Variants in STK35 observed in about 807,000 individuals in gnomAD.
STK35 encodes serine/threonine-protein kinase 35.
A neutral mutation model predicts 37.3 loss-of-function variants in STK35; 17 were observed. The observed-to-expected ratio is 0.46, with a 90% CI of 0.31 to 0.68. The LOEUF is 0.68. STK35 is among the 30% of genes least tolerant of loss of function. The probability of loss-of-function intolerance (pLI) is 0.05; values close to 1 mark genes in which losing one functional copy is unlikely to be tolerated. For missense variants in STK35, 595 were observed against 746.7 expected (o/e 0.80, Z 2.37); for synonymous variants, 385 against 319.1 (o/e 1.21, Z -2.20).
In STK35 at chr20:2,144,117, G is replaced by T. The variant is rs1032654359; in HGVS notation, c.*371G>T. The T allele has an allele frequency of 9.5e-6, 3 of 317,144 alleles. No homozygotes were observed. The highest frequency in any genetic ancestry group is 6.9e-5 in the African/African-American group (3 of 43,390). 19.6% of individuals were successfully genotyped at this position (317,144 alleles called of 1,614,324 possible). A position where few individuals can be genotyped will look rare whatever the true frequency, so the allele number is the denominator to read the frequency against. ...CTTTTACTTTTTATAAGGGGTTAGG[G>T]AGCTATTTTTGGTTTTGTCCTTCAC... On this transcript the variant is annotated 3_prime_UTR_variant, in exon 4 of 4. Coordinates refer to ENST00000381482, the MANE Select transcript of STK35 (RefSeq NM_080836.4).
intron 2 of STK35, 133 bp from the exon 3 acceptor site, chr20:2,116,533 G>A (rs1985720206): frequency 1.0e-6 from 1 of 976,982 alleles, no homozygotes. Flanking sequence ...GGCACTCAGT[G>A]CCAGTTGTGC....
intron 3 of STK35, among the ~76,000 whole-genome samples, chr20:2,125,888 G>A (rs1985897000): frequency 6.6e-6 from 1 of 152,204 alleles, no homozygotes; most frequent in African/African-American, 2.4e-5. Context: ...CGGCAGCTGG[G>A]AAAGCACCCA....
In STK35 at chr20:2,109,518, G is replaced by A. The variant is rs768653526; in HGVS notation, c.892+6153G>A. ...ATAACTTGTTCTTACAGACAAGAAC[G>A]TCAGTGTCCATCAAGGTCAAGTTGC... On this transcript the variant is annotated intron_variant, in intron 2 of 3. Coordinates refer to ENST00000381482, the MANE Select transcript of STK35 (RefSeq NM_080836.4). Among the ~76,000 whole-genome samples the A allele has an allele frequency of 3.9e-5, 6 of 152,172 alleles. No homozygotes were observed. In the East Asian group the frequency reaches 5.8e-4, roughly 15 times the overall value.
rs554599809 is a variant in STK35 at position 2,143,970 on chromosome 20, T to C, written c.*224T>C. On this transcript the variant is annotated 3_prime_UTR_variant, in exon 4 of 4. Coordinates refer to ENST00000381482, the MANE Select transcript of STK35 (RefSeq NM_080836.4). ...TTCCTTTTCTTTTCTTTTTTTTTTTTCCTCTTTCCTTTTTTTAAATTTAAA... is the reference window on the plus strand; with the variant it reads ...TTCCTTTTCTTTTCTTTTTTTTTTTCCCTCTTTCCTTTTTTTAAATTTAAA... 111 of 396,334 alleles carry C rather than the reference T, an allele frequency of 2.8e-4. 1 individual carries two copies. Among genetic ancestry groups the C allele is most frequent in the African/African-American group, 2.2e-3 (101 of 45,516 alleles). 24.6% of individuals were successfully genotyped at this position (396,334 alleles called of 1,614,324 possible).
intron 2 of STK35, among the ~76,000 whole-genome samples, chr20:2,111,559 G>T (rs910134255): frequency 2.0e-5 from 3 of 152,134 alleles, no homozygotes; most frequent in Non-Finnish European, 2.9e-5. Flanking sequence ...ATAGCCGGGC[G>T]TGGTGGTGCA....
rs1374415440 is a variant in STK35 at position 2,111,910 on chromosome 20, A to G, written c.893-4756A>G. ...GAGACGCAGCTGCAGGGCCTCTCGC[A>G]GTTATTCTCAGCCTGCCTTCCTCTC... On this transcript the variant is annotated intron_variant, in intron 2 of 3. Coordinates refer to ENST00000381482, the MANE Select transcript of STK35 (RefSeq NM_080836.4). Among the ~76,000 whole-genome samples, 3 of 152,084 alleles carry G rather than the reference A, an allele frequency of 2.0e-5. No individual in the cohort carries two copies. The South Asian group carries it at 6.2e-4, about 32-fold the overall frequency.
At chr20:2,104,658 T>A (rs1985479870) in intron 2 of STK35, among the ~76,000 whole-genome samples, 1 of 152,112 alleles carries the variant, frequency 6.6e-6, no homozygotes, top group Admixed American at 6.5e-5. Flanking sequence ...CTTGTTACTT[T>A]TGCACAACTT....
Position 2,144,262 on chromosome 20 carries a change from G to T in STK35, c.*516G>T. Reference sequence around the variant, plus strand: ...GGTTTCTTCTGGAACGGGGCGTGAGGACACAAGGAGGCCTCTGGGCCACGC... The same window carrying T: ...GGTTTCTTCTGGAACGGGGCGTGAGTACACAAGGAGGCCTCTGGGCCACGC... On this transcript the variant is annotated 3_prime_UTR_variant, in exon 4 of 4. Transcript: ENST00000381482. 4.3e-6 allele frequency: 1 copy of T among 231,308 alleles called. No homozygotes were observed. Among genetic ancestry groups the T allele is most frequent in the Non-Finnish European group, 8.5e-6 (1 of 117,896 alleles). The allele number at this position is 231,308 out of a possible 1,614,324, so 14.3% of individuals were successfully genotyped here.
intron 2 of STK35, among the ~76,000 whole-genome samples, chr20:2,111,181 A>G (rs372141266): frequency 1.3e-5 from 2 of 152,294 alleles, no homozygotes; most frequent in African/African-American, 4.8e-5. Context: ...TTGATAAGTC[A>G]GTCGGCCACT....
intron 3 of STK35, among the ~76,000 whole-genome samples, chr20:2,135,290 C>T (rs1403799573): frequency 6.6e-6 from 1 of 152,138 alleles, no homozygotes; most frequent in African/African-American, 2.4e-5. Context: ...AGTGGGTGAA[C>T]AGAATGTGGA....
In STK35 at chr20:2,147,209, C is replaced by T. The variant is rs1056575319; in HGVS notation, c.*3463C>T. On this transcript the variant is annotated 3_prime_UTR_variant, in exon 4 of 4. Coordinates refer to ENST00000381482, the MANE Select transcript of STK35 (RefSeq NM_080836.4). ...CAGGGGCAAACGCCCTCCGCTCCCTCTGCTCCCAACCCTGTGGTGCTAGGA... is the reference window on the plus strand; with the variant it reads ...CAGGGGCAAACGCCCTCCGCTCCCTTTGCTCCCAACCCTGTGGTGCTAGGA... The T allele has an allele frequency of 2.6e-5, 4 of 152,746 alleles. No individual in the cohort carries two copies. Among genetic ancestry groups the T allele is most frequent in the African/African-American group, 9.7e-5 (4 of 41,400 alleles). 9.5% of individuals were successfully genotyped at this position (152,746 alleles called of 1,614,324 possible).
Position 2,146,877 on chromosome 20 carries a change from T to G in STK35, c.*3131T>G, listed in dbSNP as rs1986279043. On this transcript the variant is annotated 3_prime_UTR_variant, in exon 4 of 4. Coordinates refer to ENST00000381482, the MANE Select transcript of STK35 (RefSeq NM_080836.4). The stretch of plus-strand genomic sequence containing the variant: ...CCAGGAGGATGCCTCAGTCTGTTCA[T>G]TCGAGACTGGCCCCGTCTGAACCTT... The G allele has an allele frequency of 6.6e-6, 1 of 152,418 alleles. No individual in the cohort carries two copies. 9.4% of individuals were successfully genotyped at this position (152,418 alleles called of 1,614,324 possible).
rs1379902135 is a variant in STK35, at chr20:2,103,289, T to C, written c.816T>C (p.Asn272=). The C allele has an allele frequency of 1.2e-6, 2 of 1,613,048 alleles. No homozygotes were observed. Among genetic ancestry groups the C allele is most frequent in the Admixed American group, 1.7e-5 (1 of 59,974 alleles). The change falls in exon 2 of 4, where the codon AAT becomes AAC. Residue 272 remains asparagine, a synonymous_variant. Transcript: ENST00000381482. ...VQFEECVLQR[N]GLAQRMSHGN... ...TTGAGGAGTGCGTCCTGCAGCGCAA[T>C]GGGTTAGCCCAGCGCATGAGTCACG... is the stretch of plus-strand genomic sequence containing the variant.
Position 2,122,435 on chromosome 20 carries a change from G to A in STK35, c.*37+5020G>A, listed in dbSNP as rs968953273. Among the ~76,000 whole-genome samples, 7 of 152,064 alleles carry A rather than the reference G, an allele frequency of 4.6e-5. No individual in the cohort carries two copies. The South Asian group carries it at 1.0e-3, about 23-fold the overall frequency. On this transcript the variant is annotated intron_variant, in intron 3 of 3. Transcript: ENST00000381482. ...TTTTAGGATTGTAGATTTCAGAGTC[G>A]CATTTAAGTCAGGACTAACTAGTTT...
At position 2,129,144 on chromosome 20, in the gene STK35, G is replaced by T. The variant is rs565113631; in HGVS notation, c.*37+11729G>T. On this transcript the variant is annotated intron_variant, in intron 3 of 3. Coordinates refer to ENST00000381482, the MANE Select transcript of STK35 (RefSeq NM_080836.4). ...GGCCTCTAAGTGGAATCTTAAACAT[G>T]ACTTTGAATTGTGACTAGCAAACTT... Among the ~76,000 whole-genome samples, 305 of 152,270 alleles carry T rather than the reference G, an allele frequency of 2.0e-3. 1 individual carries two copies. The highest frequency in any genetic ancestry group is 3.5e-3 in the Non-Finnish European group (235 of 68,024).
intron 2 of STK35, among the ~76,000 whole-genome samples, 189 bp downstream of exon 2, chr20:2,103,554 T>TG (rs1448688641): frequency 6.6e-6 from 1 of 152,210 alleles, no homozygotes; most frequent in African/African-American, 2.4e-5. Context: ...GATCAGTCCC[T>TG]GGGCCTAAAG....
At chr20:2,127,252 C>G (rs1185456293) in intron 3 of STK35, among the ~76,000 whole-genome samples, 1 of 151,440 alleles carries the variant, frequency 6.6e-6, no homozygotes, top group Non-Finnish European at 1.5e-5. Flanking sequence ...TACAGCACCC[C>G]TTTGTTTTTT....
chr20:2,130,282 G>A (rs1490040427), intron 3 of STK35, among the ~76,000 whole-genome samples: 6 of 152,088 alleles, frequency 3.9e-5, no homozygotes, highest in Admixed American at 6.5e-5. Flanking sequence ...GTTTTGCTGC[G>A]AACAAAGAGC....
intron 3 of STK35, among the ~76,000 whole-genome samples, chr20:2,130,945 T>C (rs1282557464): frequency 6.6e-6 from 1 of 152,160 alleles, no homozygotes; most frequent in Non-Finnish European, 1.5e-5. Flanking sequence ...CCAGACCCCC[T>C]TCCCTGGAAC....
Sources: gnomAD v4.1 joint callset for allele counts (sites outside exome capture counted in the v4.1 genomes callset) on GRCh38, gnomAD v4.1.1 for gene constraint, MANE v1.5 for transcripts, NCBI Gene and HGNC (gene_info 2026-07-23, HGNC 2026-07-21) for gene names.